PDK1: variants seen among roughly 807,000 people sequenced by gnomAD.
PDK1 encodes the protein pyruvate dehydrogenase kinase 1, also known as [Pyruvate dehydrogenase (acetyl-transferring)] kinase isozyme 1, mitochondrial.
Under a neutral mutation model 54.2 loss-of-function variants are expected in PDK1, and 39 were observed. That is an observed-to-expected ratio of 0.72 (90% CI 0.56 to 0.94). The LOEUF (loss-of-function observed/expected upper bound fraction) is 0.94. PDK1 is among the 40% of genes least tolerant of loss of function. PDK1 has a pLI of 0.00. For missense variants in PDK1, 552 were observed against 566.0 expected (o/e 0.98, Z 0.25); for synonymous variants, 221 against 207.1 (o/e 1.07, Z -0.58).
At chr2:172,689,210 C>A in the PDK1 span, among the ~76,000 whole-genome samples, 1 of 152,176 alleles carries the variant, frequency 6.6e-6, no homozygotes, top group Non-Finnish European at 1.5e-5. Context: ...ATTTTACAAA[C>A]CTCTAGCTAG....
intron 9 of PDK1, among the ~76,000 whole-genome samples, chr2:172,587,184 T>G (rs1007980607): frequency 7.2e-5 from 11 of 152,228 alleles, no homozygotes; most frequent in African/African-American, 2.4e-4. Flanking sequence ...ACTTCAAGAA[T>G]GAAGCTGCGG....
chr2:172,617,088 T>G, the PDK1 span, among the ~76,000 whole-genome samples: 1 of 152,094 alleles, frequency 6.6e-6, no homozygotes, highest in Non-Finnish European at 1.5e-5. Flanking sequence ...TGGCTAGGAT[T>G]ACAGGCATCT....
the PDK1 span, among the ~76,000 whole-genome samples, chr2:172,658,683 C>T: frequency 6.6e-6 from 1 of 152,096 alleles, no homozygotes; most frequent in African/African-American, 2.4e-5. Context: ...AATTGCATTC[C>T]TGGGGGGAGG....
the PDK1 span, among the ~76,000 whole-genome samples, chr2:172,668,906 T>TATAGAG: frequency 3.1e-4 from 41 of 130,632 alleles, no homozygotes; most frequent in East Asian, 6.4e-3. Flanking sequence ...TATATATATA[T>TATAGAG]AGAGAGAGAG....
the PDK1 span, among the ~76,000 whole-genome samples, chr2:172,622,432 T>C: frequency 1.9e-4 from 29 of 149,476 alleles, no homozygotes; most frequent in African/African-American, 7.0e-4. Context: ...ATGTGAGATA[T>C]GTTTATATCT....
the PDK1 span, among the ~76,000 whole-genome samples, chr2:172,629,595 C>A: frequency 6.6e-6 from 1 of 152,306 alleles, no homozygotes; most frequent in South Asian, 2.1e-4. Flanking sequence ...TCCACACTCA[C>A]CACCCTTCAA....
rs1360955131 is a variant in PDK1, at chr2:172,570,754, A to G, written c.875A>G (p.His292Arg). ...GCAATGAGAGCCACTATGGAACACC[A>G]TGCCAACAGAGGTGTTTACCCCCCT... ...KNAMRATMEH[H>R]ANRGVYPPIQ... The change falls in exon 8 of 11, where the codon CAT becomes CGT. Residue 292 changes from histidine to arginine, a missense_variant. Physicochemically the swap from His to Arg is conservative, Grantham distance 29. Coordinates refer to ENST00000282077, the MANE Select transcript of PDK1 (RefSeq NM_002610.5). 6.2e-7 allele frequency: 1 copy of G among 1,609,094 alleles called. No individual in the cohort carries two copies. Among genetic ancestry groups the G allele is most frequent in the Non-Finnish European group, 8.5e-7 (1 of 1,175,590 alleles).
chr2:172,635,508 T>A, the PDK1 span, among the ~76,000 whole-genome samples: 2 of 151,944 alleles, frequency 1.3e-5, no homozygotes, highest in Non-Finnish European at 2.9e-5. Context: ...TAGAGATGAG[T>A]TTTTGCCATG....
chr2:172,574,976 A>G (rs1311805142), intron 8 of PDK1, among the ~76,000 whole-genome samples: 1 of 152,204 alleles, frequency 6.6e-6, no homozygotes, highest in Non-Finnish European at 1.5e-5. Flanking sequence ...GTCTTTCACT[A>G]TTAAGTATGA....
Position 172,583,294 on chromosome 2 carries a change from T to G in PDK1, c.946-2984T>G, listed in dbSNP as rs1473576455. Among the ~76,000 whole-genome samples, 13 of 133,118 alleles carry G rather than the reference T, an allele frequency of 9.8e-5. No individual in the cohort carries two copies. The East Asian group carries it at 1.9e-3, about 20-fold the overall frequency. 87.3% of individuals were successfully genotyped at this position (133,118 alleles called of 152,430 possible). On this transcript the variant is annotated intron_variant, in intron 8 of 10. Transcript: ENST00000282077. ...AAAAGTTTTCTGGTTTTTTTTTTTT[T>G]TTTTTTTTTTTTTTTTTTACTGAGC...
At chr2:172,720,787 T>C in the PDK1 span, among the ~76,000 whole-genome samples, 1 of 152,176 alleles carries the variant, frequency 6.6e-6, no homozygotes, top group Non-Finnish European at 1.5e-5. Flanking sequence ...CTTGGAGATA[T>C]GAAGTTTCTG....
chr2:172,608,053 G>C lies in PDK1; in HGVS notation c.*12084G>C, dbSNP rs1219125943. The C allele has an allele frequency of 6.6e-6, 1 of 152,178 alleles. No homozygotes were observed. The highest frequency in any genetic ancestry group is 1.5e-5 in the Non-Finnish European group (1 of 68,032). The allele number at this position is 152,178 out of a possible 1,614,324, so 9.4% of individuals were successfully genotyped here. On this transcript the variant is annotated 3_prime_UTR_variant, in exon 11 of 11. Transcript: ENST00000282077. ...TTAATAACAGTTTTAGTTAATACTT[G>C]ACTGACATTGAGACCCTTGATGCAA...
At chr2:172,696,289 A>C in the PDK1 span, among the ~76,000 whole-genome samples, 2 of 152,154 alleles carry the variant, frequency 1.3e-5, no homozygotes, top group African/African-American at 4.8e-5. Flanking sequence ...GACCCTAAGC[A>C]GAGAACCCAG....
the PDK1 span, among the ~76,000 whole-genome samples, chr2:172,690,736 C>A: frequency 6.7e-6 from 1 of 148,820 alleles, no homozygotes; most frequent in Non-Finnish European, 1.5e-5. Flanking sequence ...TCATTCTCAG[C>A]AAACTGTCAC....
At chr2:172,623,414 T>C in the PDK1 span, among the ~76,000 whole-genome samples, 1 of 152,212 alleles carries the variant, frequency 6.6e-6, no homozygotes, top group South Asian at 2.1e-4. Flanking sequence ...TTGCCACTTT[T>C]TGTTTTTTAC....
rs999874493 is a variant in PDK1 at position 172,607,193 on chromosome 2, G to A, written c.*11224G>A. On this transcript the variant is annotated 3_prime_UTR_variant, in exon 11 of 11. Transcript: ENST00000282077. ...AATCCCAACTACTCCAGAGGCTGAG[G>A]TGTGATAGAATTTCTTGAACCTAGG... 2 of 151,876 alleles carry A rather than the reference G, an allele frequency of 1.3e-5. No homozygotes were observed. The highest frequency in any genetic ancestry group is 6.5e-5 in the Admixed American group (1 of 15,276). 9.4% of individuals were successfully genotyped at this position (151,876 alleles called of 1,614,324 possible).
At chr2:172,637,371 C>A in the PDK1 span, among the ~76,000 whole-genome samples, 1 of 152,194 alleles carries the variant, frequency 6.6e-6, no homozygotes, top group Non-Finnish European at 1.5e-5. Context: ...TATTTCTCTT[C>A]ACTGGATATT....
At chr2:172,652,484 C>G in the PDK1 span, among the ~76,000 whole-genome samples, 2 of 152,082 alleles carry the variant, frequency 1.3e-5, no homozygotes, top group South Asian at 4.2e-4. Context: ...TCAGGCAGGA[C>G]AAGGAAATAA....
the PDK1 span, among the ~76,000 whole-genome samples, chr2:172,711,862 G>A: frequency 5.7e-3 from 370 of 64,522 alleles, 3 homozygotes; most frequent in Middle Eastern, 0.04. Flanking sequence ...TGAGAACCTA[G>A]CTCAAAAAAA....
Sources: allele counts gnomAD v4.1 joint callset (sites outside exome capture counted in the v4.1 genomes callset), GRCh38; gene constraint gnomAD v4.1.1; transcripts MANE v1.5; gene names NCBI Gene and HGNC (gene_info 2026-07-23, HGNC 2026-07-21).